Variants in GPHN observed in about 807,000 individuals in gnomAD.
The protein encoded by GPHN is gephyrin.
GPHN carries 17 observed loss-of-function variants against 95.5 expected under a neutral mutation model. That is an observed-to-expected ratio of 0.18 (90% confidence interval 0.12 to 0.27). GPHN has a LOEUF of 0.27. Among genes scored for constraint, GPHN ranks in the 10% least tolerant of loss-of-function variants. The probability of loss-of-function intolerance (pLI) is 1.00; values close to 1 mark genes in which losing one functional copy is unlikely to be tolerated. For synonymous variants in GPHN, 320 were observed against 322.5 expected (o/e 0.99, Z 0.08); for missense variants, 660 against 978.1 (o/e 0.67, Z 4.34).
chr14:66,968,039 C>T (rs970576982), intron 9 of GPHN, among the ~76,000 whole-genome samples: 1 of 151,890 alleles, frequency 6.6e-6, no homozygotes, highest in Non-Finnish European at 1.5e-5. Flanking sequence ...AATATCTGTT[C>T]TTTTTTATTT....
At chr14:67,165,351 G>T in intron 20 of GPHN, 125 bp downstream of exon 20, 1 of 695,608 alleles carries the variant, frequency 1.4e-6, no homozygotes, top group Non-Finnish European at 2.6e-6. Context: ...TTTTCTAAAC[G>T]ACCAATCACT....
At chr14:67,352,260 G>C in the GPHN span, among the ~76,000 whole-genome samples, 2 of 151,902 alleles carry the variant, frequency 1.3e-5, no homozygotes, top group Non-Finnish European at 2.9e-5. Context: ...TTGAGCCCGG[G>C]AGTCAAAAAG....
intron 18 of GPHN, among the ~76,000 whole-genome samples, chr14:67,156,001 T>C (rs549319005): frequency 6.6e-6 from 1 of 152,240 alleles, no homozygotes; most frequent in Non-Finnish European, 1.5e-5. Flanking sequence ...GGGAACTCTA[T>C]AGTCATCAAA....
At chr14:67,529,434 A>G in the GPHN span, among the ~76,000 whole-genome samples, 1 of 152,218 alleles carries the variant, frequency 6.6e-6, no homozygotes, top group East Asian at 1.9e-4. Context: ...AGTGGCTGGA[A>G]AATAGCAAGT....
chr14:66,508,264 C>A lies in GPHN; in HGVS notation c.-264C>A, dbSNP rs993101519. 1 of 569,978 alleles carries A rather than the reference C, an allele frequency of 1.8e-6. No homozygotes were observed. The highest frequency in any genetic ancestry group is 3.1e-6 in the Non-Finnish European group (1 of 318,564). The allele number at this position is 569,978 out of a possible 1,614,324, so 35.3% of individuals were successfully genotyped here. A position where few individuals can be genotyped will look rare whatever the true frequency, so the allele number is the denominator to read the frequency against. ...CGCTCTCCCCGTGCGGCCACCGCGCCCCCCAAGCTTGCCTCCTTCTTGCCG... is the reference window on the plus strand; with the variant it reads ...CGCTCTCCCCGTGCGGCCACCGCGCACCCCAAGCTTGCCTCCTTCTTGCCG... On this transcript the variant is annotated 5_prime_UTR_variant, in exon 1 of 23. Transcript: ENST00000478722.
At chr14:66,894,401 T>G (rs1055220384) in intron 5 of GPHN, among the ~76,000 whole-genome samples, 2 of 152,090 alleles carry the variant, frequency 1.3e-5, no homozygotes, top group African/African-American at 4.8e-5. Flanking sequence ...CCTAAAACCA[T>G]AAAAACCCTA....
At chr14:66,984,648 T>A (rs1451216105) in intron 9 of GPHN, among the ~76,000 whole-genome samples, 1 of 152,166 alleles carries the variant, frequency 6.6e-6, no homozygotes, top group Non-Finnish European at 1.5e-5. Flanking sequence ...TTTTATAGGA[T>A]GTTCAGGTTT....
chr14:66,667,230 C>T (rs1028719374), intron 1 of GPHN, among the ~76,000 whole-genome samples: 1 of 152,168 alleles, frequency 6.6e-6, no homozygotes, highest in Non-Finnish European at 1.5e-5. Flanking sequence ...TTTATAAATT[C>T]ATTGCTATTC....
the GPHN span, chr14:67,674,623 C>T: frequency 1.3e-5 from 8 of 638,110 alleles, no homozygotes; most frequent in South Asian, 2.0e-4. Context: ...CGAGGCTCTT[C>T]CGGAGCCGCG....
chr14:66,916,156 A>T (rs927918854), intron 6 of GPHN, 87 bp downstream of exon 6: 2 of 802,992 alleles, frequency 2.5e-6, no homozygotes, highest in Non-Finnish European at 4.4e-6. Flanking sequence ...GGAGCACTCC[A>T]CAAGACTGCC....
chr14:67,566,783 C>A, the GPHN span, among the ~76,000 whole-genome samples: 1 of 149,020 alleles, frequency 6.7e-6, no homozygotes, highest in Admixed American at 6.7e-5. Context: ...TCTTCTCTAT[C>A]TGAACAGGTT....
chr14:67,566,398 G>A, the GPHN span, among the ~76,000 whole-genome samples: 5 of 152,142 alleles, frequency 3.3e-5, no homozygotes, highest in Admixed American at 6.6e-5. Flanking sequence ...AGAGAGAAGC[G>A]TTGCTCACTT....
chr14:67,629,808 G>A, the GPHN span, among the ~76,000 whole-genome samples: 1 of 152,218 alleles, frequency 6.6e-6, no homozygotes, highest in Non-Finnish European at 1.5e-5. Flanking sequence ...CCAAGGACTT[G>A]CGTTAGTGAA....
chr14:67,093,147 T>C (rs138209498), intron 12 of GPHN, among the ~76,000 whole-genome samples: 45 of 152,270 alleles, frequency 3.0e-4, no homozygotes, highest in African/African-American at 6.5e-4. Flanking sequence ...TGAAAAGATA[T>C]ATTAAGAGAA....
the GPHN span, among the ~76,000 whole-genome samples, chr14:67,530,970 C>A: frequency 9.2e-5 from 14 of 152,222 alleles, no homozygotes; most frequent in Non-Finnish European, 1.5e-4. Flanking sequence ...TTGGCTCAGA[C>A]CAGTTGACAA....
chr14:67,114,202 T>C (rs1191674282), intron 16 of GPHN, among the ~76,000 whole-genome samples: 2 of 152,324 alleles, frequency 1.3e-5, no homozygotes, highest in East Asian at 3.9e-4. Flanking sequence ...AAACTATTGA[T>C]TGACAAAAAA....
At chr14:66,618,341 G>T (rs1318055984) in intron 1 of GPHN, among the ~76,000 whole-genome samples, 1 of 152,112 alleles carries the variant, frequency 6.6e-6, no homozygotes, top group Non-Finnish European at 1.5e-5. Context: ...ACCTCCCAAA[G>T]TGCTAGGATT....
At chr14:66,614,162 T>A (rs1201929725) in intron 1 of GPHN, among the ~76,000 whole-genome samples, 1 of 152,174 alleles carries the variant, frequency 6.6e-6, no homozygotes, top group Non-Finnish European at 1.5e-5. Context: ...AGGCCGTAGA[T>A]AATGAAAATA....
chr14:66,570,400 G>T (rs989431067), intron 1 of GPHN, among the ~76,000 whole-genome samples: 5 of 151,244 alleles, frequency 3.3e-5, no homozygotes, highest in African/African-American at 1.2e-4. Flanking sequence ...TGCCTCCCGG[G>T]TTCAAGCAGT....
Sources: allele counts gnomAD v4.1 joint callset (sites outside exome capture counted in the v4.1 genomes callset), GRCh38; gene constraint gnomAD v4.1.1; transcripts MANE v1.5; gene names NCBI Gene and HGNC (gene_info 2026-07-23, HGNC 2026-07-21).